The following SLC46A1 variants were observed in gnomAD, a reference collection of about 807,000 sequenced individuals.
SLC46A1 encodes proton-coupled folate transporter.
A neutral mutation model predicts 32.1 loss-of-function variants in SLC46A1; 17 were observed. That is an observed-to-expected ratio of 0.53 (90% CI 0.36 to 0.79). The LOEUF (loss-of-function observed/expected upper bound fraction) is 0.79. SLC46A1 is among the 30% of genes least tolerant of loss of function. SLC46A1 has a pLI of 0.00. For synonymous variants in SLC46A1, 240 were observed against 262.7 expected (o/e 0.91, Z 0.84); for missense variants, 517 against 588.2 (o/e 0.88, Z 1.25).
chr17:28,400,632 GCAGGAGGCCAGCTCC>G lies in SLC46A1; in HGVS notation c.1285_1299del (p.Gly429_Leu433del). 2 of 1,613,784 alleles carry G rather than the reference GCAGGAGGCCAGCTCC, an allele frequency of 1.2e-6. No homozygotes were observed. The highest frequency in any genetic ancestry group is 1.7e-6 in the Non-Finnish European group (2 of 1,179,812). On this transcript the variant is annotated inframe_deletion, in exon 4 of 5. Transcript: ENST00000612814. ...TACCCAATCAGAACAGCCGGGATGA[GCAGGAGGCCAGCTCC>G]CAGGAGGAAGGGGAACCCCTTCATA...
At chr17:28,405,616 G>T in intron 1 of SLC46A1, 148 bp from the exon 2 acceptor site, 1 of 1,244,812 alleles carries the variant, frequency 8.0e-7, no homozygotes. Context: ...AAATCTGCCA[G>T]TGGAGAGGGG....
Position 28,399,618 on chromosome 17 carries a change from T to C in SLC46A1, c.*38A>G, listed in dbSNP as rs2142451841. The C allele has an allele frequency of 6.2e-7, 1 of 1,611,980 alleles. No homozygotes were observed. The highest frequency in any genetic ancestry group is 2.2e-5 in the East Asian group (1 of 44,874). Reference sequence around the variant, plus strand: ...AGACCTCCAGTTGCTTGGTGTTCACTTTGCTCCTCTTGCCCTCTGTCTTCT... The same window carrying C: ...AGACCTCCAGTTGCTTGGTGTTCACCTTGCTCCTCTTGCCCTCTGTCTTCT... On this transcript the variant is annotated 3_prime_UTR_variant, in exon 5 of 5. Transcript: ENST00000612814.
rs1315483318 is a variant in SLC46A1 at position 28,405,035 on chromosome 17, G to A, written c.662C>T (p.Ala221Val). 1.2e-6 allele frequency: 2 copies of A among 1,613,900 alleles called. No homozygotes were observed. The highest frequency in any genetic ancestry group is 4.5e-5 in the East Asian group (2 of 44,886). ...PFWLALALLI[A>V]MTLYAAFCFG... Reference sequence around the variant, plus strand: ...GCAGAAAGCTGCATAGAGAGTCATGGCTATCAGCAAGGCCAAGGCCAGCCA... The same window carrying A: ...GCAGAAAGCTGCATAGAGAGTCATGACTATCAGCAAGGCCAAGGCCAGCCA... The change falls in exon 2 of 5, where the codon GCC becomes GTC. Residue 221 changes from alanine to valine, a missense_variant. By Grantham distance (64) the Ala-to-Val change is moderately conservative. Transcript: ENST00000612814.
intron 1 of SLC46A1, 89 bp downstream of exon 1, chr17:28,405,798 C>T: frequency 7.3e-7 from 1 of 1,361,728 alleles, no homozygotes; most frequent in East Asian, 2.5e-5. Flanking sequence ...AGTTACCCGC[C>T]ACTACCATTA....
At chr17:28,405,799 AC>A in intron 1 of SLC46A1, 87 bp downstream of exon 1, 1 of 1,362,210 alleles carries the variant, frequency 7.3e-7, no homozygotes, top group Admixed American at 2.3e-5. Flanking sequence ...GTTACCCGCC[AC>A]TACCATTACG....
In SLC46A1 at chr17:28,404,685, C is replaced by T. The variant is rs281875209; in HGVS notation, c.1012G>A (p.Gly338Ser). 2.3e-4 allele frequency: 366 copies of T among 1,613,588 alleles called. 5 individuals are homozygous for T. In the South Asian group the frequency reaches 3.8e-3, roughly 17 times the overall value. The stretch of plus-strand genomic sequence containing the variant: ...ATCCCCAGGATGTTGAAGGCCAGGC[C>T]GATCTCAGCTACCCAGGCATCGGCC... ...CLADAWVAEI[G>S]LAFNILGMVV... Residue 338 changes from glycine to serine, a missense_variant, in exon 2 of 5, where the codon GGC becomes AGC. By Grantham distance (56) the Gly-to-Ser change is moderately conservative. Transcript: ENST00000612814.
chr17:28,405,668 C>T (rs149202167), intron 1 of SLC46A1, 200 bp from the exon 2 acceptor site: 4 of 974,396 alleles, frequency 4.1e-6, no homozygotes, highest in Non-Finnish European at 5.9e-6. Flanking sequence ...CCTTTCCCCC[C>T]CCTTTTGTTA....
In SLC46A1 at chr17:28,404,706, C is replaced by T. The variant is rs782398051; in HGVS notation, c.991G>A (p.Asp331Asn). 9 of 1,613,838 alleles carry T rather than the reference C, an allele frequency of 5.6e-6. No individual in the cohort carries two copies. The highest frequency in any genetic ancestry group is 4.5e-5 in the East Asian group (2 of 44,894). Reference sequence around the variant, plus strand: ...AGGCCGATCTCAGCTACCCAGGCATCGGCCAGGCAGTACTGCAGGAGCTTC... The same window carrying T: ...AGGCCGATCTCAGCTACCCAGGCATTGGCCAGGCAGTACTGCAGGAGCTTC... ...ALKLLQYCLADAWVAEIGLAF... is the reference protein window; with the variant it reads ...ALKLLQYCLANAWVAEIGLAF... Residue 331 changes from aspartate to asparagine, a missense_variant, in exon 2 of 5, where the codon GAT becomes AAT. By Grantham distance (23) the Asp-to-Asn change is conservative. Transcript: ENST00000612814.
rs1261303580 is a variant in SLC46A1, at chr17:28,402,235, C to T, written c.1165+3G>A. 4 of 1,611,840 alleles carry T rather than the reference C, an allele frequency of 2.5e-6. No individual in the cohort carries two copies. In the East Asian group the frequency reaches 6.7e-5, roughly 27 times the overall value. On this transcript the variant is annotated splice_donor_region_variant and intron_variant, in intron 3 of 4. Coordinates refer to ENST00000612814, the MANE Select transcript of SLC46A1 (RefSeq NM_080669.6). ...CCAGACACAGGTGGGTTCTGACACT[C>T]ACCCTGCTCTGTCTCTCTCACCAGC...
At chr17:28,400,535 C>G in intron 4 of SLC46A1, 75 bp downstream of exon 4, 1 of 1,570,192 alleles carries the variant, frequency 6.4e-7, no homozygotes. Context: ...GCTGCCATTT[C>G]TGGTTGGGAG....
intron 1 of SLC46A1, 81 bp downstream of exon 1, chr17:28,405,804 CAT>C (rs1189539755): frequency 1.4e-6 from 2 of 1,401,216 alleles, no homozygotes; most frequent in Non-Finnish European, 1.9e-6. Flanking sequence ...CCGCCACTAC[CAT>C]TACGCAGGCC....
rs184347910 is a variant in SLC46A1 at position 28,396,069 on chromosome 17, C to T, written c.*3587G>A. On this transcript the variant is annotated 3_prime_UTR_variant, in exon 5 of 5. Transcript: ENST00000612814. The stretch of plus-strand genomic sequence containing the variant: ...GGGACCAGGGGGGTAGGGTACAAAT[C>T]ACCATGACAGGCAGAGTGTGGGCAA... 109 of 1,613,568 alleles carry T rather than the reference C, an allele frequency of 6.8e-5. No homozygotes were observed. In the East Asian group the frequency reaches 2.2e-3, roughly 32 times the overall value.
rs782752375 is a variant in SLC46A1, at chr17:28,404,608, C to A, written c.1081+8G>T. 1 of 1,609,958 alleles carries A rather than the reference C, an allele frequency of 6.2e-7. No homozygotes were observed. Among genetic ancestry groups the A allele is most frequent in the Non-Finnish European group, 8.5e-7 (1 of 1,177,424 alleles). ...GGGACAAGCTGTCCCTGAGCCCACA[C>A]ACTTTACCTGTGAACATGAGAGGCG... On this transcript the variant is annotated splice_region_variant and intron_variant, in intron 2 of 4. Coordinates refer to ENST00000612814, the MANE Select transcript of SLC46A1 (RefSeq NM_080669.6).
intron 1 of SLC46A1, 24 bp from the exon 2 acceptor site, chr17:28,405,492 T>C (rs1555591104): frequency 6.3e-7 from 1 of 1,591,176 alleles, no homozygotes; most frequent in Admixed American, 1.7e-5. Context: ...ATGACCAGGG[T>C]GCGGTTCCTC....
intron 1 of SLC46A1, chr17:28,405,678 A>T (rs2142468912): frequency 1.0e-6 from 1 of 956,600 alleles, no homozygotes; most frequent in African/African-American, 1.7e-5. Flanking sequence ...CCCTTTTGTT[A>T]ACCTGCAAGG....
In SLC46A1 at chr17:28,405,418, G is replaced by C; in HGVS notation, c.279C>G (p.Gly93=). The C allele has an allele frequency of 6.3e-7, 1 of 1,591,638 alleles. No individual in the cohort carries two copies. Among genetic ancestry groups the C allele is most frequent in the Non-Finnish European group, 8.5e-7 (1 of 1,169,772 alleles). ...TGGACGAGAAGAGCCCCACCAGGAAGCCGCCCACGTTCATGTAGAGGGTCC... is the reference window on the plus strand; with the variant it reads ...TGGACGAGAAGAGCCCCACCAGGAACCCGCCCACGTTCATGTAGAGGGTCC... ...SHWTLYMNVG[G]FLVGLFSSTL... The change falls in exon 2 of 5, where the codon GGC becomes GGG. Residue 93 remains glycine (G), a synonymous_variant. Coordinates refer to ENST00000612814, the MANE Select transcript of SLC46A1 (RefSeq NM_080669.6).
Position 28,405,475 on chromosome 17 carries a change from G to C in SLC46A1, c.229-7C>G. The stretch of plus-strand genomic sequence containing the variant: ...AGGTAAGGGTCTCCACTTCCTGTAG[G>C]GGCACAATGACCAGGGTGCGGTTCC... On this transcript the variant is annotated splice_polypyrimidine_tract_variant and splice_region_variant and intron_variant, in intron 1 of 4. Transcript: ENST00000612814. 1 of 1,596,704 alleles carries C rather than the reference G, an allele frequency of 6.3e-7. No homozygotes were observed. The highest frequency in any genetic ancestry group is 8.5e-7 in the Non-Finnish European group (1 of 1,173,262).
rs370673122 is a variant in SLC46A1, at chr17:28,404,961, G to C, written c.736C>G (p.Arg246Gly). 5 of 1,614,044 alleles carry C rather than the reference G, an allele frequency of 3.1e-6. No individual in the cohort carries two copies. The highest frequency in any genetic ancestry group is 1.7e-5 in the Admixed American group (1 of 60,028). The change falls in exon 2 of 5, where the codon CGT becomes GGT. Residue 246 changes from arginine to glycine, a missense_variant. Physicochemically the swap from Arg to Gly is moderately radical, Grantham distance 125 (BLOSUM62 -2). Coordinates refer to ENST00000612814, the MANE Select transcript of SLC46A1 (RefSeq NM_080669.6). ...AGCTGGACAATGGATCGGTGGTGAC[G>C]GAACGTGAAGAGCCGGGTGGACTTT... is the stretch of plus-strand genomic sequence containing the variant. ...EPKSTRLFTF[R>G]HHRSIVQLYV... is the part of the protein sequence containing the mutation.
At chr17:28,399,928 C>G in intron 4 of SLC46A1, 2 of 550,556 alleles carry the variant, frequency 3.6e-6, no homozygotes, top group Non-Finnish European at 6.5e-6. Flanking sequence ...GGGTCTTGCT[C>G]TGTTGTCCAG....
Sources: gnomAD v4.1 joint callset for allele counts on GRCh38, gnomAD v4.1.1 for gene constraint, MANE v1.5 for transcripts, NCBI Gene and HGNC (gene_info 2026-07-23, HGNC 2026-07-21) for gene names.